Variants in SEMA5A observed in about 807,000 individuals in gnomAD.
The protein encoded by SEMA5A is semaphorin-5A.
In SEMA5A, 55 loss-of-function variants were observed where a neutral mutation model predicts 135.5. The ratio of observed to expected loss-of-function variants is 0.41; its 90% CI spans 0.33 to 0.51. The LOEUF (loss-of-function observed/expected upper bound fraction) is 0.51. Among genes scored for constraint, SEMA5A ranks in the 20% least tolerant of loss-of-function variants. The pLI, the probability that SEMA5A is intolerant of heterozygous loss-of-function variation, is 0.37. For synonymous variants in SEMA5A, 580 were observed against 546.5 expected (o/e 1.06, Z -0.85); for missense variants, 1,290 against 1,419.9 (o/e 0.91, Z 1.47).
At chr5:9,385,543 C>T (rs1005569642) in intron 2 of SEMA5A, among the ~76,000 whole-genome samples, 4 of 152,122 alleles carry the variant, frequency 2.6e-5, no homozygotes, top group African/African-American at 9.7e-5. Context: ...CGCCCATCCC[C>T]TACTTGATGG....
intron 8 of SEMA5A, among the ~76,000 whole-genome samples, chr5:9,213,894 C>T (rs953469894): frequency 9.9e-5 from 15 of 152,086 alleles, no homozygotes; most frequent in Non-Finnish European, 7.3e-5. Flanking sequence ...AGGGCCATGG[C>T]AGCACTCTGG....
intron 16 of SEMA5A, among the ~76,000 whole-genome samples, chr5:9,106,724 A>C (rs550796309): frequency 9.5e-4 from 144 of 152,358 alleles, no homozygotes; most frequent in African/African-American, 3.4e-3. Context: ...TAAATTTGTC[A>C]TTTTAAAATT....
intron 1 of SEMA5A, among the ~76,000 whole-genome samples, chr5:9,483,749 A>C (rs1759969922): frequency 2.6e-5 from 4 of 152,242 alleles, no homozygotes; most frequent in Admixed American, 6.5e-5. Context: ...AGAAGAAAAA[A>C]GTAATTTAGA....
intron 8 of SEMA5A, among the ~76,000 whole-genome samples, chr5:9,221,348 G>T (rs967212243): frequency 6.9e-6 from 1 of 145,218 alleles, no homozygotes; most frequent in Non-Finnish European, 1.5e-5. Context: ...TGTCACCCAG[G>T]CTGGAGTGCA....
At chr5:9,233,516 C>G (rs763241978) in intron 6 of SEMA5A, among the ~76,000 whole-genome samples, 6 of 152,080 alleles carry the variant, frequency 3.9e-5, no homozygotes, top group Non-Finnish European at 7.4e-5. Context: ...AAGGCACTCC[C>G]TCTTTCCCAA....
At position 9,221,393 on chromosome 5, in the gene SEMA5A, C is replaced by T. The variant is rs533483463; in HGVS notation, c.646+3281G>A. Among the ~76,000 whole-genome samples, 188 of 149,904 alleles carry T rather than the reference C, an allele frequency of 1.3e-3. 3 individuals are homozygous for T. Among genetic ancestry groups the T allele is most frequent in the Non-Finnish European group, 2.3e-3 (152 of 67,310 alleles). On this transcript the variant is annotated intron_variant, in intron 8 of 22. Transcript: ENST00000382496. ...TCTCGGCTTACTGCAAGCTCCGCCTCCCGGGTTCACACCATTCTCCTGCCT... is the reference window on the plus strand; with the variant it reads ...TCTCGGCTTACTGCAAGCTCCGCCTTCCGGGTTCACACCATTCTCCTGCCT...
chr5:9,492,827 G>A (rs1735090742), intron 1 of SEMA5A, among the ~76,000 whole-genome samples: 1 of 152,140 alleles, frequency 6.6e-6, no homozygotes, highest in South Asian at 2.1e-4. Context: ...AGACCATGGA[G>A]ACAGTAAAAA....
chr5:9,317,142 A>G (rs978161384), intron 5 of SEMA5A, among the ~76,000 whole-genome samples: 1 of 152,194 alleles, frequency 6.6e-6, no homozygotes, highest in African/African-American at 2.4e-5. Flanking sequence ...TCATAATTTT[A>G]CCACTCAATT....
At chr5:9,522,097 C>T (rs1315359749) in intron 1 of SEMA5A, among the ~76,000 whole-genome samples, 1 of 152,152 alleles carries the variant, frequency 6.6e-6, no homozygotes, top group African/African-American at 2.4e-5. Context: ...TTTCTTCTTC[C>T]CTCCTCTGTT....
At chr5:9,318,258 C>G (rs182563225) in intron 5 of SEMA5A, 114 bp downstream of exon 5, 682 of 971,294 alleles carry the variant, frequency 7.0e-4, no homozygotes, top group Non-Finnish European at 9.1e-4. Context: ...GCTGAGGAAA[C>G]GAGCCCCTGC....
chr5:9,190,762 G>T, intron 10 of SEMA5A, among the ~76,000 whole-genome samples: 1 of 152,122 alleles, frequency 6.6e-6, no homozygotes. Context: ...AACAGCAGAT[G>T]CATAGAAACT....
chr5:9,324,763 G>A (rs531169368), intron 4 of SEMA5A, among the ~76,000 whole-genome samples: 28 of 152,332 alleles, frequency 1.8e-4, no homozygotes, highest in Non-Finnish European at 3.1e-4. Flanking sequence ...TTACAGAAGA[G>A]GCAACCACTT....
intron 18 of SEMA5A, among the ~76,000 whole-genome samples, chr5:9,056,773 G>A (rs1390226908): frequency 6.6e-6 from 1 of 152,094 alleles, no homozygotes; most frequent in Non-Finnish European, 1.5e-5. Context: ...TCCCAATCCT[G>A]GGTATATATC....
At chr5:9,323,211 C>G (rs1199269187) in intron 4 of SEMA5A, among the ~76,000 whole-genome samples, 1 of 152,126 alleles carries the variant, frequency 6.6e-6, no homozygotes, top group African/African-American at 2.4e-5. Flanking sequence ...AATACAAATT[C>G]CCAAAAGACT....
chr5:9,257,597 T>TAA (rs34130964), intron 5 of SEMA5A, among the ~76,000 whole-genome samples: 31 of 149,246 alleles, frequency 2.1e-4, no homozygotes, highest in East Asian at 5.9e-4. Context: ...TATTTTGCTC[T>TAA]AAAAAAAAAA....
At chr5:9,322,381 A>G (rs1237172611) in intron 4 of SEMA5A, among the ~76,000 whole-genome samples, 1 of 152,098 alleles carries the variant, frequency 6.6e-6, no homozygotes, top group Non-Finnish European at 1.5e-5. Context: ...GAAGGGGCAA[A>G]GAGGAGGGAG....
intron 9 of SEMA5A, among the ~76,000 whole-genome samples, 192 bp from the exon 10 acceptor site, chr5:9,197,495 C>T (rs1806085): frequency 0.16 from 23,989 of 152,214 alleles, 2,096 homozygotes; most frequent in Admixed American, 0.26. Flanking sequence ...CATCTTGGTA[C>T]AGAAACCAGG....
intron 1 of SEMA5A, among the ~76,000 whole-genome samples, chr5:9,439,742 G>T (rs1758164838): frequency 6.6e-6 from 1 of 152,188 alleles, no homozygotes. Flanking sequence ...ATCCAGCATG[G>T]ACAGCCCACA....
At chr5:9,502,872 A>C (rs1735670218) in intron 1 of SEMA5A, among the ~76,000 whole-genome samples, 1 of 152,198 alleles carries the variant, frequency 6.6e-6, no homozygotes, top group Non-Finnish European at 1.5e-5. Flanking sequence ...CAAAGACAAG[A>C]AGAAAAGTGT....
Sources: allele counts gnomAD v4.1 joint callset (sites outside exome capture counted in the v4.1 genomes callset), GRCh38; gene constraint gnomAD v4.1.1; transcripts MANE v1.5; gene names NCBI Gene and HGNC (gene_info 2026-07-23, HGNC 2026-07-21).